Variants in ABCG5 observed in about 807,000 individuals in gnomAD.
ABCG5 encodes ATP binding cassette subfamily G member 5.
Under a neutral mutation model 64.5 loss-of-function variants are expected in ABCG5, and 64 were observed. The observed-to-expected ratio is 0.99, with a 90% CI of 0.81 to 1.22. ABCG5 has a LOEUF of 1.22. ABCG5 is among the 50% of genes most tolerant of loss of function. The pLI, the probability that ABCG5 is intolerant of heterozygous loss-of-function variation, is 0.00. For synonymous variants in ABCG5, 385 were observed against 326.3 expected (o/e 1.18, Z -1.94); for missense variants, 908 against 829.5 (o/e 1.09, Z -1.16).
chr2:43,817,647 C>T (rs140785694), intron 11 of ABCG5, among the ~76,000 whole-genome samples: 2,548 of 152,098 alleles, frequency 0.017, 52 homozygotes, highest in African/African-American at 0.052. Flanking sequence ...CGGTGGCTCA[C>T]GTCTATAATC....
chr2:43,816,578 C>G (rs1029195442), intron 11 of ABCG5, among the ~76,000 whole-genome samples: 5 of 152,126 alleles, frequency 3.3e-5, no homozygotes, highest in Non-Finnish European at 7.4e-5. Context: ...GAGTCTTGTT[C>G]TGTCACCTAG....
downstream of ABCG5, among the ~76,000 whole-genome samples, chr2:43,808,964 T>TACACACACACAC (rs56090427): frequency 5.5e-3 from 806 of 145,564 alleles, 7 homozygotes; most frequent in African/African-American, 0.019. Context: ...GGACAAAGGA[T>TACACACACACAC]ACACACACAC....
Position 43,832,018 on chromosome 2 carries a change from C to G in ABCG5, c.331G>C (p.Gly111Arg), listed in dbSNP as rs1490854065. The change falls in exon 3 of 13, where the codon GGG becomes CGG. Residue 111 changes from glycine to arginine, a missense_variant. Gly to Arg is a moderately radical substitution (Grantham distance 125, BLOSUM62 -2). Coordinates refer to ENST00000405322, the MANE Select transcript of ABCG5 (RefSeq NM_022436.3). Reference protein sequence around the residue: ...GRLGRAGTFLGEVYVNGRALR... With the variant: ...GRLGRAGTFLREVYVNGRALR... ...GCCCGGCCGTTCACATACACCTCCCCCAGGAAGGTCCCCGCGCGCCCCAGC... is the reference window on the plus strand; with the variant it reads ...GCCCGGCCGTTCACATACACCTCCCGCAGGAAGGTCCCCGCGCGCCCCAGC... 2.5e-6 allele frequency: 4 copies of G among 1,570,038 alleles called. No individual in the cohort carries two copies. Among genetic ancestry groups the G allele is most frequent in the South Asian group, 1.2e-5 (1 of 85,272 alleles).
At chr2:43,811,227 T>C (rs1329970002), downstream of ABCG5, among the ~76,000 whole-genome samples, 1 of 152,214 alleles carries the variant, frequency 6.6e-6, no homozygotes, top group African/African-American at 2.4e-5. Flanking sequence ...TGATGTGACA[T>C]ATATAATCTG....
At chr2:43,811,131 T>C (rs995876690), downstream of ABCG5, among the ~76,000 whole-genome samples, 2 of 152,208 alleles carry the variant, frequency 1.3e-5, no homozygotes, top group Non-Finnish European at 2.9e-5. Context: ...CTTTAGTAAG[T>C]TGAAATCAGT....
At chr2:43,830,320 C>T (rs144916747) in intron 4 of ABCG5, among the ~76,000 whole-genome samples, 3 of 152,234 alleles carry the variant, frequency 2.0e-5, no homozygotes. Flanking sequence ...ATGTATTCTT[C>T]ACATCAAACC....
At chr2:43,825,352 C>T (rs1195435794) in intron 6 of ABCG5, among the ~76,000 whole-genome samples, 1 of 152,140 alleles carries the variant, frequency 6.6e-6, no homozygotes, top group Non-Finnish European at 1.5e-5. Context: ...AGTGAGTGAC[C>T]TCGGGCGAGC....
chr2:43,817,054 A>G (rs1445297333), intron 11 of ABCG5, among the ~76,000 whole-genome samples: 1 of 152,240 alleles, frequency 6.6e-6, no homozygotes, highest in African/African-American at 2.4e-5. Context: ...TGGAATGACT[A>G]GCAGGTTGAT....
In ABCG5 at chr2:43,827,342, AGTG is replaced by A. The variant is rs1328610237; in HGVS notation, c.634+638_634+640del. ...CTCTGTCTCAAAAAAAAAAAAAAAA[AGTG>A]ACAAGAGCTGTTAAAAACATCTCTC... is the stretch of plus-strand genomic sequence containing the variant. On this transcript the variant is annotated intron_variant, in intron 5 of 12. Coordinates refer to ENST00000405322, the MANE Select transcript of ABCG5 (RefSeq NM_022436.3). Among the ~76,000 whole-genome samples, 132 of 151,020 alleles carry A rather than the reference AGTG, an allele frequency of 8.7e-4. 2 individuals carry two copies. The East Asian group carries it at 1.0e-2, about 11-fold the overall frequency.
intron 6 of ABCG5, 36 bp downstream of exon 6, chr2:43,826,346 A>G: frequency 4.3e-6 from 7 of 1,612,978 alleles, no homozygotes; most frequent in South Asian, 1.1e-5. Context: ...AGCTCAACAC[A>G]CCATAGACCC....
rs774422510 is a variant in ABCG5 at position 43,828,069 on chromosome 2, C to T, written c.548G>A (p.Arg183Gln). 10 of 1,614,102 alleles carry T rather than the reference C, an allele frequency of 6.2e-6. No homozygotes were observed. The highest frequency in any genetic ancestry group is 3.3e-5 in the South Asian group (3 of 91,074). ...CCCCAAGCTGTAGTTGCCAATCAGT[C>T]GGTCTGCCACATGGCTCAGACTCAG... Reference protein sequence around the residue: ...AELSLSHVADRLIGNYSLGGI... With the variant: ...AELSLSHVADQLIGNYSLGGI... The change falls in exon 5 of 13, where the codon CGA becomes CAA. Residue 183 changes from arginine to glutamine, a missense_variant. Arg to Gln is a conservative substitution (Grantham distance 43). Transcript: ENST00000405322.
At chr2:43,814,998 A>G (rs1389893816) in intron 11 of ABCG5, among the ~76,000 whole-genome samples, 2 of 152,326 alleles carry the variant, frequency 1.3e-5, no homozygotes, top group Middle Eastern at 3.4e-3. Flanking sequence ...AGTTCTCTCA[A>G]GTAGACGATT....
In ABCG5 at chr2:43,813,206, C is replaced by T. The variant is rs1666572321; in HGVS notation, c.1866G>A (p.Met622Ile). The part of the protein sequence containing the change: ...TCPGATSRFT[M>I]NFLILYSFIP... ...TAAATGAATACAAAATCAGAAAGTT[C>T]ATTGTGAATCTAGATGTTGCACCTG... The change falls in exon 13 of 13, where the codon ATG becomes ATA. Residue 622 changes from methionine (M) to isoleucine (I), a missense_variant. Met to Ile is a conservative substitution (Grantham distance 10). Coordinates refer to ENST00000405322, the MANE Select transcript of ABCG5 (RefSeq NM_022436.3). The T allele has an allele frequency of 6.2e-7, 1 of 1,608,054 alleles. No homozygotes were observed. Among genetic ancestry groups the T allele is most frequent in the African/African-American group, 1.3e-5 (1 of 74,886 alleles).
chr2:43,828,209 G>T (rs1007775127), intron 4 of ABCG5, 94 bp from the exon 5 acceptor site: 3 of 1,576,250 alleles, frequency 1.9e-6, no homozygotes, highest in Non-Finnish European at 2.6e-6. Flanking sequence ...GCAGCACACC[G>T]CCCAAGAATC....
At chr2:43,814,331 A>C in intron 12 of ABCG5, 146 bp downstream of exon 12, 1 of 633,024 alleles carries the variant, frequency 1.6e-6, no homozygotes, top group Non-Finnish European at 2.8e-6. Context: ...CTTAAAAATC[A>C]GAGAAAATGT....
At chr2:43,832,463 C>G in intron 2 of ABCG5, 1 of 306,766 alleles carries the variant, frequency 3.3e-6, no homozygotes, top group African/African-American at 2.1e-5. Context: ...ACGTTTGGAT[C>G]CTAGGACGGA....
intron 11 of ABCG5, among the ~76,000 whole-genome samples, chr2:43,817,736 C>T (rs558131140): frequency 6.6e-6 from 1 of 152,012 alleles, no homozygotes; most frequent in African/African-American, 2.4e-5. Flanking sequence ...ATGGTGAAAC[C>T]ACGTCTCTAC....
At position 43,824,349 on chromosome 2, in the gene ABCG5, T is replaced by C; in HGVS notation, c.988A>G (p.Lys330Glu). Residue 330 changes from lysine to glutamate, a missense_variant, in exon 8 of 13, where the codon AAG (lysine) becomes GAG (glutamate). Lys to Glu is a moderately conservative substitution (Grantham distance 56). Coordinates refer to ENST00000405322, the MANE Select transcript of ABCG5 (RefSeq NM_022436.3). ...GTTTTATGACAAATTGCTGATTTCT[T>C]GTAGGCAGATTCTATCATCTGGACT... ...KRVQMIESAY[K>E]KSAICHKTLK... 4 of 1,614,220 alleles carry C rather than the reference T, an allele frequency of 2.5e-6. No individual in the cohort carries two copies. In the Admixed American group the frequency reaches 5.0e-5, roughly 20 times the overall value.
intron 2 of ABCG5, among the ~76,000 whole-genome samples, chr2:43,836,441 C>A (rs762332494): frequency 4.6e-5 from 7 of 152,156 alleles, no homozygotes; most frequent in Non-Finnish European, 1.0e-4. Flanking sequence ...AATTTGCAAG[C>A]AATAGCTCAA....
Sources: allele counts gnomAD v4.1 joint callset (sites outside exome capture counted in the v4.1 genomes callset), GRCh38; gene constraint gnomAD v4.1.1; transcripts MANE v1.5; gene names NCBI Gene and HGNC (gene_info 2026-07-23, HGNC 2026-07-21).